The following PEF1 variants were observed in gnomAD, a reference collection of about 807,000 sequenced individuals.
PEF1 encodes penta-EF-hand domain containing 1, also known as peflin.
Under a neutral mutation model 32.0 loss-of-function variants are expected in PEF1, and 17 were observed. The ratio of observed to expected loss-of-function variants is 0.53; its 90% CI spans 0.36 to 0.80. PEF1 has a LOEUF of 0.80. PEF1 is among the 30% of genes least tolerant of loss of function. The pLI, the probability that PEF1 is intolerant of heterozygous loss-of-function variation, is 0.00. For synonymous variants in PEF1, 130 were observed against 139.8 expected (o/e 0.93, Z 0.50); for missense variants, 362 against 369.1 (o/e 0.98, Z 0.16).
chr1:31,635,867 T>C (rs993158259), intron 1 of PEF1, among the ~76,000 whole-genome samples: 1 of 152,204 alleles, frequency 6.6e-6, no homozygotes, highest in South Asian at 2.1e-4. Context: ...AAATATTTCC[T>C]GTATGAATGA....
intron 1 of PEF1, among the ~76,000 whole-genome samples, chr1:31,636,803 C>T (rs1640264963): frequency 6.6e-6 from 1 of 152,192 alleles, no homozygotes; most frequent in Non-Finnish European, 1.5e-5. Flanking sequence ...GGCTCTATGT[C>T]CAGGGCATTT....
chr1:31,633,114 G>A (rs1167546369), intron 3 of PEF1, 45 bp downstream of exon 3: 1 of 1,579,576 alleles, frequency 6.3e-7, no homozygotes, highest in Admixed American at 1.8e-5. Flanking sequence ...CCACTATCAG[G>A]TGGCTCTGCC....
intron 1 of PEF1, among the ~76,000 whole-genome samples, chr1:31,641,526 C>T (rs1640390043): frequency 6.6e-6 from 1 of 152,172 alleles, no homozygotes; most frequent in African/African-American, 2.4e-5. Flanking sequence ...GTCTTATTTC[C>T]TACCCCTTTC....
chr1:31,632,352 G>A (rs1197115311), intron 4 of PEF1, 143 bp downstream of exon 4: 5 of 1,394,346 alleles, frequency 3.6e-6, no homozygotes, highest in African/African-American at 2.8e-5. Context: ...AAGGGGTGAG[G>A]GATGCAGGCC....
In PEF1 at chr1:31,630,276, T is replaced by C. The variant is rs1640058353; in HGVS notation, c.*337A>G. On this transcript the variant is annotated 3_prime_UTR_variant, in exon 5 of 5. Transcript: ENST00000373703. ...TAACAGGCCGATGAACACTCACCACTGGCATCAGGGTGGAGCTCAGCTGAC... is the reference window on the plus strand; with the variant it reads ...TAACAGGCCGATGAACACTCACCACCGGCATCAGGGTGGAGCTCAGCTGAC... The C allele has an allele frequency of 2.8e-6, 1 of 351,566 alleles. No homozygotes were observed. The highest frequency in any genetic ancestry group is 5.5e-6 in the Non-Finnish European group (1 of 182,810). 21.8% of individuals were successfully genotyped at this position (351,566 alleles called of 1,614,324 possible).
At chr1:31,641,322 T>C (rs1640385750) in intron 1 of PEF1, among the ~76,000 whole-genome samples, 2 of 152,272 alleles carry the variant, frequency 1.3e-5, no homozygotes, top group Admixed American at 1.3e-4. Flanking sequence ...ATTACCTCAA[T>C]AGCGTCAAAA....
chr1:31,642,027 T>A (rs970184205), intron 1 of PEF1, among the ~76,000 whole-genome samples: 30 of 151,796 alleles, frequency 2.0e-4, no homozygotes, highest in Middle Eastern at 3.4e-3. Flanking sequence ...AGGTTAGGAG[T>A]TTGAGACCAG....
chr1:31,633,048 C>T, intron 3 of PEF1, 111 bp downstream of exon 3: 1 of 1,310,000 alleles, frequency 7.6e-7, no homozygotes, highest in Non-Finnish European at 1.0e-6. Flanking sequence ...CACAGTCCTC[C>T]CTGGTCAATG....
At chr1:31,640,969 G>C (rs1156824532) in intron 1 of PEF1, among the ~76,000 whole-genome samples, 1 of 152,162 alleles carries the variant, frequency 6.6e-6, no homozygotes, top group Non-Finnish European at 1.5e-5. Context: ...AACAATCACA[G>C]GAAGACAAGA....
At chr1:31,635,605 C>G (rs1352383296) in intron 1 of PEF1, 83 bp from the exon 2 acceptor site, 2 of 1,286,150 alleles carry the variant, frequency 1.6e-6, no homozygotes, top group African/African-American at 1.5e-5. Flanking sequence ...TAAAGCACTT[C>G]CACCACCATC....
intron 4 of PEF1, among the ~76,000 whole-genome samples, chr1:31,631,257 C>T (rs1247857384): frequency 2.0e-5 from 3 of 152,192 alleles, no homozygotes; most frequent in Non-Finnish European, 2.9e-5. Context: ...AGCCACTGGG[C>T]AAGTTGCTTA....
At chr1:31,638,940 T>C (rs1442620342) in intron 1 of PEF1, among the ~76,000 whole-genome samples, 1 of 152,238 alleles carries the variant, frequency 6.6e-6, no homozygotes, top group Non-Finnish European at 1.5e-5. Flanking sequence ...CCACAGATAA[T>C]TGTGATACAA....
At chr1:31,642,280 G>A (rs1640413957) in intron 1 of PEF1, among the ~76,000 whole-genome samples, 1 of 151,766 alleles carries the variant, frequency 6.6e-6, no homozygotes, top group Non-Finnish European at 1.5e-5. Context: ...AGGGAAAACT[G>A]AGTCTCAGAC....
In PEF1 at chr1:31,633,252, G is replaced by T; in HGVS notation, c.388C>A (p.His130Asn). The change falls in exon 3 of 5, where the codon CAC (histidine) becomes AAC (asparagine). Residue 130 changes from histidine to asparagine, a missense_variant. By Grantham distance (68) the His-to-Asn change is moderately conservative. Coordinates refer to ENST00000373703, the MANE Select transcript of PEF1 (RefSeq NM_012392.4). ...TCCTTCATGGAGATATAGCCACTGT[G>T]ATCTGAGTCCACCGACTGGAACCAG... ...YSWFQSVDSDHSGYISMKELK... is the reference protein window; with the variant it reads ...YSWFQSVDSDNSGYISMKELK... 6.2e-7 allele frequency: 1 copy of T among 1,614,076 alleles called. No individual in the cohort carries two copies. The highest frequency in any genetic ancestry group is 1.1e-5 in the South Asian group (1 of 91,040).
intron 2 of PEF1, 145 bp downstream of exon 2, chr1:31,635,077 T>C: frequency 9.8e-7 from 1 of 1,022,620 alleles, no homozygotes; most frequent in Non-Finnish European, 1.5e-6. Flanking sequence ...AAACTTATCA[T>C]TTTGAGGATA....
intron 1 of PEF1, among the ~76,000 whole-genome samples, chr1:31,636,254 C>G (rs936697935): frequency 2.6e-5 from 4 of 152,078 alleles, no homozygotes; most frequent in Non-Finnish European, 4.4e-5. Flanking sequence ...CTGGGCAACA[C>G]AGAAAAACAA....
Position 31,630,131 on chromosome 1 carries a change from G to A in PEF1, c.*482C>T, listed in dbSNP as rs186156215. ...TTAACACACAAGGATTTATGGGTGT[G>A]GCAGAATCCAAGCCACTGGTCCCAT... On this transcript the variant is annotated 3_prime_UTR_variant, in exon 5 of 5. Transcript: ENST00000373703. 3.4e-4 allele frequency: 64 copies of A among 188,962 alleles called. No individual in the cohort carries two copies. The highest frequency in any genetic ancestry group is 1.4e-3 in the African/African-American group (60 of 43,490). The allele number at this position is 188,962 out of a possible 1,614,324, so 11.7% of individuals were successfully genotyped here.
chr1:31,638,094 T>C (rs186820585), intron 1 of PEF1, among the ~76,000 whole-genome samples: 119 of 152,266 alleles, frequency 7.8e-4, no homozygotes, highest in African/African-American at 2.8e-3. Flanking sequence ...AATGGAGACA[T>C]AAGTCATGTG....
chr1:31,634,989 C>G (rs1640215565), intron 2 of PEF1: 4 of 686,358 alleles, frequency 5.8e-6, no homozygotes, highest in Admixed American at 2.1e-5. Flanking sequence ...AGCCAGCTAA[C>G]AGCTGCTGAC....
Sources: allele counts gnomAD v4.1 joint callset (sites outside exome capture counted in the v4.1 genomes callset), GRCh38; gene constraint gnomAD v4.1.1; transcripts MANE v1.5; gene names NCBI Gene and HGNC (gene_info 2026-07-23, HGNC 2026-07-21).